PARP11: variants seen among roughly 807,000 people sequenced by gnomAD.
PARP11 encodes the protein poly(ADP-ribose) polymerase family member 11.
Under a neutral mutation model 42.9 loss-of-function variants are expected in PARP11, and 31 were observed. The observed-to-expected ratio is 0.72, with a 90% CI of 0.54 to 0.98. PARP11 has a LOEUF of 0.98. PARP11 is among the 50% of genes least tolerant of loss of function. PARP11 has a pLI of 0.00. For synonymous variants in PARP11, 137 were observed against 127.3 expected, an observed-to-expected ratio of 1.08 and a Z score of -0.51; for missense variants, 365 against 413.1, an observed-to-expected ratio of 0.88 and a Z score of 1.01.
At chr12:3,851,818 C>G (rs1354284469) in intron 1 of PARP11, among the ~76,000 whole-genome samples, 1 of 152,200 alleles carries the variant, frequency 6.6e-6, no homozygotes, top group Non-Finnish European at 1.5e-5. Flanking sequence ...CAAGTGGGTC[C>G]CTGACCCCCG....
chr12:3,837,292 G>A (rs966965403), intron 1 of PARP11, among the ~76,000 whole-genome samples: 1 of 152,122 alleles, frequency 6.6e-6, no homozygotes, highest in Non-Finnish European at 1.5e-5. Flanking sequence ...TGAGCGTAAG[G>A]CACCATCTAG....
chr12:3,832,218 T>C (rs1947656896), intron 1 of PARP11: 2 of 393,406 alleles, frequency 5.1e-6, no homozygotes, highest in Admixed American at 6.4e-5. Flanking sequence ...ACCATTGTAT[T>C]GAACATTCCT....
chr12:3,835,043 C>A (rs1190971711), intron 1 of PARP11, among the ~76,000 whole-genome samples: 2 of 152,140 alleles, frequency 1.3e-5, no homozygotes, highest in Non-Finnish European at 2.9e-5. Context: ...CCCTGACAGT[C>A]TGGAACACTG....
chr12:3,827,856 G>A (rs916952882), intron 3 of PARP11, among the ~76,000 whole-genome samples: 1 of 152,092 alleles, frequency 6.6e-6, no homozygotes, highest in Non-Finnish European at 1.5e-5. Context: ...CTACTCACAG[G>A]AATTGAGAAA....
chr12:3,828,151 C>T (rs895682671), intron 3 of PARP11, among the ~76,000 whole-genome samples: 1 of 152,194 alleles, frequency 6.6e-6, no homozygotes, highest in Non-Finnish European at 1.5e-5. Flanking sequence ...AAATTGTTTT[C>T]TGACAAAGAC....
intron 4 of PARP11, among the ~76,000 whole-genome samples, chr12:3,823,129 T>G (rs1947436613): frequency 6.6e-6 from 1 of 152,214 alleles, no homozygotes; most frequent in African/African-American, 2.4e-5. Context: ...CTAAATAAAT[T>G]AATAAATTTC....
At position 3,821,982 on chromosome 12, in the gene PARP11, TTTGA is replaced by T. The variant is rs1565532949; in HGVS notation, c.435_438del (p.Asn145LysfsTer30). 4 of 1,609,524 alleles carry T rather than the reference TTTGA, an allele frequency of 2.5e-6. No individual in the cohort carries two copies. Among genetic ancestry groups the T allele is most frequent in the Non-Finnish European group, 3.4e-6 (4 of 1,178,562 alleles). ...TTAGCAACTTCATTATATTCATGTGTTTGATTGTGCAGAGGAATAAGCTGGAAAA... is the reference window on the plus strand; with the variant it reads ...TTAGCAACTTCATTATATTCATGTGTTTGTGCAGAGGAATAAGCTGGAAAA... On this transcript the variant is annotated frameshift_variant, in exon 6 of 8. Coordinates refer to ENST00000228820, the MANE Select transcript of PARP11 (RefSeq NM_020367.6). LOFTEE classifies it high-confidence loss of function.
In PARP11 at chr12:3,839,722, CTG is replaced by C. The variant is rs878985853; in HGVS notation, c.19-9706_19-9705del. The C allele has an allele frequency of 2.1e-4, 219 of 1,065,932 alleles. 2 individuals carry two copies. In the South Asian group the frequency reaches 2.5e-3, roughly 12 times the overall value. 66.0% of individuals were successfully genotyped at this position (1,065,932 alleles called of 1,614,324 possible). ...AAATAATTTTCCTGAAAAGGTGTTA[CTG>C]TGTTTTTCAAATGGAAATCATTATG... On this transcript the variant is annotated intron_variant, in intron 1 of 7. Coordinates refer to ENST00000228820, the MANE Select transcript of PARP11 (RefSeq NM_020367.6).
chr12:3,862,077 T>A (rs1426827868), intron 1 of PARP11, among the ~76,000 whole-genome samples: 1 of 151,948 alleles, frequency 6.6e-6, no homozygotes, highest in Non-Finnish European at 1.5e-5. Flanking sequence ...GGAAAATACA[T>A]GAAAAGATGT....
chr12:3,839,539 G>A, intron 1 of PARP11: 1 of 1,570,870 alleles, frequency 6.4e-7, no homozygotes, highest in Non-Finnish European at 8.8e-7. Flanking sequence ...AGAGAAATTT[G>A]AAGCGATTAT....
chr12:3,842,940 T>C (rs1400355178), intron 1 of PARP11, among the ~76,000 whole-genome samples: 2 of 152,220 alleles, frequency 1.3e-5, no homozygotes, highest in Non-Finnish European at 2.9e-5. Context: ...ATTCCAAACA[T>C]AACGTTGCAC....
intron 2 of PARP11, 139 bp downstream of exon 2, chr12:3,829,751 A>G: frequency 3.6e-6 from 3 of 830,852 alleles, no homozygotes; most frequent in South Asian, 2.2e-5. Context: ...AAGAATTTCT[A>G]ACTTTTCTTT....
At chr12:3,831,345 CATT>C (rs1286382475) in intron 1 of PARP11, among the ~76,000 whole-genome samples, 10 of 152,040 alleles carry the variant, frequency 6.6e-5, no homozygotes, top group African/African-American at 1.9e-4. Context: ...TTTCCTGTAT[CATT>C]GATTTTTTTA....
At chr12:3,846,126 G>GT (rs1947988153) in intron 1 of PARP11, among the ~76,000 whole-genome samples, 1 of 152,132 alleles carries the variant, frequency 6.6e-6, no homozygotes, top group African/African-American at 2.4e-5. Flanking sequence ...ATCACTTTTT[G>GT]TAAGTGTTGA....
At chr12:3,841,532 C>T (rs1350713831) in intron 1 of PARP11, 27 of 1,595,194 alleles carry the variant, frequency 1.7e-5, no homozygotes, top group Admixed American at 5.0e-5. Context: ...GTGATTGGAC[C>T]GCCGACATTT....
intron 1 of PARP11, among the ~76,000 whole-genome samples, chr12:3,835,713 T>C (rs2138059069): frequency 6.6e-6 from 1 of 152,236 alleles, no homozygotes; most frequent in Middle Eastern, 3.4e-3. Flanking sequence ...GATAATCAAA[T>C]GGAAATTCTG....
intron 1 of PARP11, among the ~76,000 whole-genome samples, chr12:3,866,564 C>A (rs1472726654): frequency 2.0e-5 from 3 of 152,194 alleles, no homozygotes; most frequent in Non-Finnish European, 4.4e-5. Flanking sequence ...ACTATAATAT[C>A]CCATTATATT....
At chr12:3,830,791 G>A (rs1009631023) in intron 1 of PARP11, among the ~76,000 whole-genome samples, 5 of 152,164 alleles carry the variant, frequency 3.3e-5, no homozygotes, top group Non-Finnish European at 7.4e-5. Flanking sequence ...CTAAGGCATA[G>A]AGAGGTCATA....
intron 6 of PARP11, among the ~76,000 whole-genome samples, chr12:3,815,965 A>C (rs1467332022): frequency 1.3e-5 from 2 of 152,238 alleles, no homozygotes; most frequent in Non-Finnish European, 2.9e-5. Context: ...GTCTTTCTCA[A>C]GAGTCACTTG....
Sources: allele counts gnomAD v4.1 joint callset (sites outside exome capture counted in the v4.1 genomes callset), GRCh38; gene constraint gnomAD v4.1.1; transcripts MANE v1.5; gene names NCBI Gene and HGNC (gene_info 2026-07-23, HGNC 2026-07-21).